The following DYNC2I1 variants were observed in gnomAD, a reference collection of about 807,000 sequenced individuals.
The protein encoded by DYNC2I1 is dynein 2 intermediate chain 1, also known as cytoplasmic dynein 2 intermediate chain 1.
DYNC2I1 carries 89 observed loss-of-function variants against 133.4 expected under a neutral mutation model. That is an observed-to-expected ratio of 0.67 (90% CI 0.56 to 0.80). DYNC2I1 has a LOEUF of 0.80. Among genes scored for constraint, DYNC2I1 ranks in the 30% least tolerant of loss-of-function variants. The pLI is 0.00. For missense variants in DYNC2I1, 1,291 were observed against 1,314.5 expected, an observed-to-expected ratio of 0.98 and a Z score of 0.28; for synonymous variants, 504 against 484.3, an observed-to-expected ratio of 1.04 and a Z score of -0.54.
At position 158,902,430 on chromosome 7, in the gene DYNC2I1, G is replaced by T; in HGVS notation, c.1192G>T (p.Glu398Ter). The change falls in exon 10 of 25, where the codon GAA (glutamate) becomes TAA (stop). Residue 398 changes from glutamate to a stop codon, truncating the protein, a stop_gained. Coordinates refer to ENST00000407559, the MANE Select transcript of DYNC2I1 (RefSeq NM_018051.5). LOFTEE classifies it high-confidence loss of function. ...TGGTGATGATGATGAAAGCAGTAATGAACCTGAGTCAAGAGAAAAACTGGA... is the reference window on the plus strand; with the variant it reads ...TGGTGATGATGATGAAAGCAGTAATTAACCTGAGTCAAGAGAAAAACTGGA... ...CDGDDDESSN[E>*]PESREKLEEL... 6.2e-7 allele frequency: 1 copy of T among 1,613,824 alleles called. No homozygotes were observed. The highest frequency in any genetic ancestry group is 1.1e-5 in the South Asian group (1 of 91,070).
chr7:158,946,735 A>C (rs1851897194), downstream of DYNC2I1, among the ~76,000 whole-genome samples: 1 of 152,224 alleles, frequency 6.6e-6, no homozygotes, highest in Non-Finnish European at 1.5e-5. Context: ...TGAGGACAGG[A>C]AAATCCCAGA....
At chr7:158,875,361 G>A (rs1224705970) in intron 3 of DYNC2I1, among the ~76,000 whole-genome samples, 1 of 152,124 alleles carries the variant, frequency 6.6e-6, no homozygotes, top group East Asian at 1.9e-4. Flanking sequence ...CCAAAGTGCT[G>A]GGATTACAAG....
chr7:158,926,064 G>T, intron 17 of DYNC2I1, 123 bp from the exon 18 acceptor site: 1 of 732,152 alleles, frequency 1.4e-6, no homozygotes, highest in African/African-American at 1.8e-5. Context: ...GTTTTGGGAA[G>T]ATGTGTGGAG....
intron 15 of DYNC2I1, among the ~76,000 whole-genome samples, chr7:158,920,359 G>C (rs1353526964): frequency 6.6e-6 from 1 of 151,678 alleles, no homozygotes; most frequent in Non-Finnish European, 1.5e-5. Context: ...AAGTGTGTGT[G>C]TGTACCACAG....
chr7:158,841,217 A>ATTTT, the DYNC2I1 span, among the ~76,000 whole-genome samples: 13 of 69,122 alleles, frequency 1.9e-4, no homozygotes, highest in Non-Finnish European at 3.2e-4. Context: ...ATATATATAT[A>ATTTT]TATATTTTAG....
chr7:158,879,656 G>A (rs1414712005), intron 4 of DYNC2I1, 28 bp from the exon 5 acceptor site: 2 of 1,543,266 alleles, frequency 1.3e-6, no homozygotes, highest in Admixed American at 2.2e-5. Context: ...ATGTGCTCCT[G>A]TGTTTCTCAG....
downstream of DYNC2I1, among the ~76,000 whole-genome samples, chr7:158,949,660 G>A (rs1284466149): frequency 1.3e-5 from 2 of 152,264 alleles, no homozygotes; most frequent in East Asian, 3.8e-4. Flanking sequence ...CGGCTTCAGG[G>A]AAAGGAGCGG....
At chr7:158,918,931 T>TA (rs1169215895) in intron 15 of DYNC2I1, 62 bp downstream of exon 15, 31 of 1,523,600 alleles carry the variant, frequency 2.0e-5, no homozygotes, top group Non-Finnish European at 2.8e-5. Flanking sequence ...GTTGAAATAA[T>TA]ACTCTGTAGT....
chr7:158,906,055 A>G lies in DYNC2I1; in HGVS notation c.1424A>G (p.His475Arg). The G allele has an allele frequency of 3.1e-6, 5 of 1,613,838 alleles. No individual in the cohort carries two copies. The highest frequency in any genetic ancestry group is 4.2e-6 in the Non-Finnish European group (5 of 1,179,810). Residue 475 changes from histidine (H) to arginine (R), a missense_variant, in exon 11 of 25, where the codon CAC becomes CGC. Coordinates refer to ENST00000407559, the MANE Select transcript of DYNC2I1 (RefSeq NM_018051.5). The part of the protein sequence containing the change: ...GIFVDFASAS[H>R]RQKSRTQALK... Reference sequence around the variant, plus strand: ...TTTGTGGATTTTGCCTCAGCTTCACACCGTCAAAAGAGTCGGACTCAGGCC... The same window carrying G: ...TTTGTGGATTTTGCCTCAGCTTCACGCCGTCAAAAGAGTCGGACTCAGGCC...
chr7:158,942,029 G>A lies in DYNC2I1; in HGVS notation c.2883G>A (p.Gln961=). ...ACAGCCATGCGGTCACCGGCCTGCA[G>A]TGGTCCCCAACCAGGCCTGCCGTGT... ...STDSHAVTGL[Q]WSPTRPAVFL... The change falls in exon 24 of 25, where the codon CAG becomes CAA. Residue 961 remains glutamine (Q), a synonymous_variant. Coordinates refer to ENST00000407559, the MANE Select transcript of DYNC2I1 (RefSeq NM_018051.5). 1 of 1,613,556 alleles carries A rather than the reference G, an allele frequency of 6.2e-7. No homozygotes were observed. The highest frequency in any genetic ancestry group is 8.5e-7 in the Non-Finnish European group (1 of 1,179,814).
chr7:158,844,264 CT>C, the DYNC2I1 span, among the ~76,000 whole-genome samples: 1 of 152,162 alleles, frequency 6.6e-6, no homozygotes, highest in Non-Finnish European at 1.5e-5. Context: ...CTTAACGTTT[CT>C]TTCCTCTCCT....
At chr7:158,917,089 T>A (rs2428783) in intron 14 of DYNC2I1, among the ~76,000 whole-genome samples, 2 of 7,362 alleles carry the variant, frequency 2.7e-4, no homozygotes, top group African/African-American at 5.5e-4. Context: ...GTGAAACGTC[T>A]ACACGCTGGT....
intron 15 of DYNC2I1, among the ~76,000 whole-genome samples, chr7:158,920,938 AAC>A (rs913857945): frequency 1.3e-4 from 20 of 152,240 alleles, no homozygotes; most frequent in African/African-American, 3.6e-4. Context: ...TCTCTATTAA[AAC>A]ACGCGGCAGA....
chr7:158,849,258 T>C, the DYNC2I1 span, among the ~76,000 whole-genome samples: 4 of 152,182 alleles, frequency 2.6e-5, no homozygotes, highest in Non-Finnish European at 4.4e-5. Context: ...TTAAATAAGT[T>C]TTATGAAATG....
chr7:158,898,895 T>A (rs1438860649), intron 8 of DYNC2I1, among the ~76,000 whole-genome samples: 1 of 152,056 alleles, frequency 6.6e-6, no homozygotes, highest in East Asian at 1.9e-4. Context: ...CTTTTTAAAG[T>A]GGTTTAAATA....
intron 14 of DYNC2I1, among the ~76,000 whole-genome samples, chr7:158,914,716 A>G (rs1432088541): frequency 6.6e-6 from 1 of 152,218 alleles, no homozygotes; most frequent in East Asian, 1.9e-4. Flanking sequence ...AATCCATACA[A>G]AGAGACATGG....
downstream of DYNC2I1, among the ~76,000 whole-genome samples, chr7:158,948,192 C>T (rs996166811): frequency 1.6e-4 from 24 of 152,164 alleles, no homozygotes; most frequent in Non-Finnish European, 2.6e-4. Context: ...GGAAAACAGA[C>T]GTGGCAAGAG....
chr7:158,866,611 G>A (rs1293442848), intron 1 of DYNC2I1, among the ~76,000 whole-genome samples: 1 of 152,068 alleles, frequency 6.6e-6, no homozygotes, highest in African/African-American at 2.4e-5. Flanking sequence ...TTGGCCGGGC[G>A]TGGTGGCTCA....
At chr7:158,922,089 G>A (rs1315125403) in intron 15 of DYNC2I1, among the ~76,000 whole-genome samples, 2 of 152,288 alleles carry the variant, frequency 1.3e-5, no homozygotes, top group African/African-American at 2.4e-5. Context: ...CCCGACTCCC[G>A]GCTTCTGGTG....
Sources: allele counts gnomAD v4.1 joint callset (sites outside exome capture counted in the v4.1 genomes callset), GRCh38; gene constraint gnomAD v4.1.1; transcripts MANE v1.5; gene names NCBI Gene and HGNC (gene_info 2026-07-23, HGNC 2026-07-21).